The following KREMEN1 variants were observed in gnomAD, a reference collection of about 807,000 sequenced individuals.
KREMEN1 encodes kremen protein 1.
In KREMEN1, 30 loss-of-function variants were observed where a neutral mutation model predicts 46.5. The observed-to-expected ratio is 0.65, with a 90% CI of 0.48 to 0.88. The LOEUF (loss-of-function observed/expected upper bound fraction) is 0.88. Ranked by LOEUF, KREMEN1 falls within the 40% of genes least tolerant of loss-of-function variation. The pLI is 0.00. For missense variants in KREMEN1, 533 were observed against 596.9 expected (o/e 0.89, Z 1.11); for synonymous variants, 214 against 230.6 (o/e 0.93, Z 0.65).
chr22:29,094,438 A>C lies in KREMEN1; in HGVS notation c.260+18A>C, dbSNP rs762443464. The C allele has an allele frequency of 1.4e-5, 22 of 1,600,650 alleles. No individual in the cohort carries two copies. In the South Asian group the frequency reaches 2.5e-4, roughly 18 times the overall value. On this transcript the variant is annotated intron_variant, in intron 2 of 8. Transcript: ENST00000400335. ...TATTGCAGGTAAGATGGGGCCACTCAGTACTTTAAAAAGATAGATATATAT... is the reference window on the plus strand; with the variant it reads ...TATTGCAGGTAAGATGGGGCCACTCCGTACTTTAAAAAGATAGATATATAT...
At position 29,143,947 on chromosome 22, in the gene KREMEN1, C is replaced by T; in HGVS notation, c.*1835C>T. 2 of 985,422 alleles carry T rather than the reference C, an allele frequency of 2.0e-6. No homozygotes were observed. The highest frequency in any genetic ancestry group is 2.4e-6 in the Non-Finnish European group (2 of 829,928). The allele number at this position is 985,422 out of a possible 1,614,324, so 61.0% of individuals were successfully genotyped here. ...GAATTGGAGCTCCTCCAAGGAGCTCCTCCTAAGATTGAGTGCTGCAGCTGT... is the reference window on the plus strand; with the variant it reads ...GAATTGGAGCTCCTCCAAGGAGCTCTTCCTAAGATTGAGTGCTGCAGCTGT... On this transcript the variant is annotated 3_prime_UTR_variant, in exon 9 of 9. Transcript: ENST00000400335.
Position 29,098,866 on chromosome 22 carries a change from C to G in KREMEN1, c.265C>G (p.Pro89Ala). 1.2e-6 allele frequency: 2 copies of G among 1,613,110 alleles called. No homozygotes were observed. Among genetic ancestry groups the G allele is most frequent in the Non-Finnish European group, 1.7e-6 (2 of 1,179,096 alleles). ...GLGEHNYCRN[P>A]DGDVSPWCYV... ...TTGTGTCCTTTTCCCCAACAGAAAT[C>G]CAGATGGAGACGTGAGCCCCTGGTG... Residue 89 changes from proline to alanine, a missense_variant, in exon 3 of 9, where the codon CCA becomes GCA. By Grantham distance (27) the Pro-to-Ala change is conservative (BLOSUM62 -1). Transcript: ENST00000400335.
intron 9 of KREMEN1, among the ~76,000 whole-genome samples, chr22:29,158,905 G>A (rs1460700299): frequency 4.0e-5 from 6 of 151,304 alleles, no homozygotes; most frequent in East Asian, 2.0e-4. Context: ...TGCAACCTCC[G>A]CCTCCTGGGT....
At chr22:29,106,820 AATT>A (rs1230936655) in intron 3 of KREMEN1, among the ~76,000 whole-genome samples, 1 of 152,198 alleles carries the variant, frequency 6.6e-6, no homozygotes, top group East Asian at 1.9e-4. Context: ...TAGTATGGTG[AATT>A]ATTAAGATTG....
At chr22:29,113,973 A>G (rs986662994) in intron 3 of KREMEN1, among the ~76,000 whole-genome samples, 3 of 152,204 alleles carry the variant, frequency 2.0e-5, no homozygotes, top group African/African-American at 7.2e-5. Flanking sequence ...GATGCCCACA[A>G]AGACCCCTTT....
chr22:29,076,687 C>T (rs1215385986), intron 1 of KREMEN1, among the ~76,000 whole-genome samples: 2 of 152,034 alleles, frequency 1.3e-5, no homozygotes, highest in African/African-American at 4.8e-5. Context: ...CCCATCTCTA[C>T]TAAAAATACA....
At chr22:29,116,440 G>A (rs1489197424) in intron 3 of KREMEN1, among the ~76,000 whole-genome samples, 1 of 152,136 alleles carries the variant, frequency 6.6e-6, no homozygotes, top group Non-Finnish European at 1.5e-5. Context: ...GGGTTAGAAG[G>A]GCAGCAGGCT....
At chr22:29,150,002 A>T (rs76303580), downstream of KREMEN1, among the ~76,000 whole-genome samples, 3,275 of 152,360 alleles carry the variant, frequency 0.021, 42 homozygotes, top group Middle Eastern at 0.068. Context: ...GACAGTCTCT[A>T]GAACTCAGAG....
chr22:29,142,399 G>C lies in KREMEN1; in HGVS notation c.*287G>C. 9.0e-7 allele frequency: 1 copy of C among 1,107,554 alleles called. No individual in the cohort carries two copies. The highest frequency in any genetic ancestry group is 1.6e-5 in the African/African-American group (1 of 61,812). 68.6% of individuals were successfully genotyped at this position (1,107,554 alleles called of 1,614,324 possible). Reference sequence around the variant, plus strand: ...GATCTAGCTAGCAGTGGGGGTGTCAGGACAGTGAGGCTGAGATGACAGAGG... The same window carrying C: ...GATCTAGCTAGCAGTGGGGGTGTCACGACAGTGAGGCTGAGATGACAGAGG... On this transcript the variant is annotated 3_prime_UTR_variant, in exon 9 of 9. Transcript: ENST00000400335.
At chr22:29,165,214 G>A (rs147771724) in intron 9 of KREMEN1, among the ~76,000 whole-genome samples, 28 of 151,958 alleles carry the variant, frequency 1.8e-4, no homozygotes, top group African/African-American at 6.5e-4. Flanking sequence ...GTTCAAGACT[G>A]GCCAGGGCAA....
chr22:29,154,709 G>A (rs558657609), intron 9 of KREMEN1: 1 of 152,380 alleles, frequency 6.6e-6, no homozygotes, highest in South Asian at 2.1e-4. Context: ...CAGTTACACG[G>A]ATTTTTTGCC....
intron 3 of KREMEN1, among the ~76,000 whole-genome samples, chr22:29,102,844 G>C (rs1295817718): frequency 2.0e-5 from 3 of 152,132 alleles, no homozygotes; most frequent in Non-Finnish European, 4.4e-5. Context: ...GTAGAAGTTG[G>C]GAATGAGAGC....
At chr22:29,077,232 A>G (rs2037587007) in intron 1 of KREMEN1, among the ~76,000 whole-genome samples, 1 of 152,254 alleles carries the variant, frequency 6.6e-6, no homozygotes, top group African/African-American at 2.4e-5. Flanking sequence ...GCCTTATACT[A>G]TCTGTGTTGC....
chr22:29,162,520 C>T (rs989354050), intron 9 of KREMEN1, among the ~76,000 whole-genome samples: 1 of 152,114 alleles, frequency 6.6e-6, no homozygotes, highest in Non-Finnish European at 1.5e-5. Flanking sequence ...AGTTCAAGAC[C>T]AGCCTGGCCA....
chr22:29,121,533 A>C (rs2145814545), intron 4 of KREMEN1, 52 bp downstream of exon 4: 1 of 1,592,862 alleles, frequency 6.3e-7, no homozygotes, highest in East Asian at 2.2e-5. Flanking sequence ...ATGTAAATGC[A>C]TTTTGCTGAG....
Position 29,120,478 on chromosome 22 carries a change from CAG to C in KREMEN1, c.353-878_353-877del, listed in dbSNP as rs1320690932. Among the ~76,000 whole-genome samples, 174 of 90,588 alleles carry C rather than the reference CAG, an allele frequency of 1.9e-3. 20 individuals are homozygous for C. The highest frequency in any genetic ancestry group is 7.7e-3 in the African/African-American group (155 of 20,042). The allele number at this position is 90,588 out of a possible 152,430, so 59.4% of individuals were successfully genotyped here. ...GAGGAGGGAGACGTGATGATGGAAACAGGGAGGAAGGAGAGGTGATAAAGGAA... is the reference window on the plus strand; with the variant it reads ...GAGGAGGGAGACGTGATGATGGAAACGGAGGAAGGAGAGGTGATAAAGGAA... On this transcript the variant is annotated intron_variant, in intron 3 of 8. Transcript: ENST00000400335.
chr22:29,125,657 G>A (rs908524611), intron 5 of KREMEN1, among the ~76,000 whole-genome samples: 1 of 152,180 alleles, frequency 6.6e-6, no homozygotes, highest in Non-Finnish European at 1.5e-5. Flanking sequence ...TTGAAGCAAC[G>A]TGGCCTATTC....
Position 29,145,291 on chromosome 22 carries a change from AAGTC to A in KREMEN1, c.*3186_*3189del. ...TGGCGAAAAGAGGGTAACCCTGGGA[AAGTC>A]AGTCAGAACCCATGGCAGAAGACTG... is the stretch of plus-strand genomic sequence containing the variant. On this transcript the variant is annotated 3_prime_UTR_variant, in exon 9 of 9. Transcript: ENST00000400335. The A allele has an allele frequency of 3.0e-6, 3 of 985,656 alleles. No homozygotes were observed. The highest frequency in any genetic ancestry group is 3.6e-6 in the Non-Finnish European group (3 of 830,058). 61.1% of individuals were successfully genotyped at this position (985,656 alleles called of 1,614,324 possible).
chr22:29,097,185 G>T (rs568485545), intron 2 of KREMEN1, among the ~76,000 whole-genome samples: 26 of 152,344 alleles, frequency 1.7e-4, no homozygotes, highest in African/African-American at 4.8e-4. Context: ...GCCCATTTCC[G>T]GCCTAACCGG....
Sources: gnomAD v4.1 joint callset for allele counts (sites outside exome capture counted in the v4.1 genomes callset) on GRCh38, gnomAD v4.1.1 for gene constraint, MANE v1.5 for transcripts, NCBI Gene and HGNC (gene_info 2026-07-23, HGNC 2026-07-21) for gene names.